MRTFB: variants seen among roughly 807,000 people sequenced by gnomAD.
The protein encoded by MRTFB is myocardin-related transcription factor B.
Under a neutral mutation model 104.2 loss-of-function variants are expected in MRTFB, and 29 were observed. The observed-to-expected ratio is 0.28, with a 90% CI of 0.21 to 0.38. The LOEUF is 0.38. Among genes scored for constraint, MRTFB ranks in the 10% least tolerant of loss-of-function variants. The probability of loss-of-function intolerance (pLI) is 1.00; values close to 1 mark genes in which losing one functional copy is unlikely to be tolerated. For missense variants in MRTFB, 1,270 were observed against 1,341.6 expected, an observed-to-expected ratio of 0.95 and a Z score of 0.83; for synonymous variants, 535 against 519.5, an observed-to-expected ratio of 1.03 and a Z score of -0.41.
At chr16:14,009,917 C>G in the MRTFB span, 10 of 152,330 alleles carry the variant, frequency 6.6e-5, no homozygotes, top group African/African-American at 2.2e-4. Context: ...ACGACTCCCC[C>G]TTCCACCCCT....
the MRTFB span, chr16:14,018,811 TA>T: frequency 6.6e-6 from 1 of 151,862 alleles, no homozygotes; most frequent in African/African-American, 2.4e-5. Context: ...AGAAGCCACA[TA>T]TTTTTTTTTT....
the MRTFB span, among the ~76,000 whole-genome samples, chr16:14,029,330 T>A: frequency 6.8e-6 from 1 of 147,142 alleles, no homozygotes; most frequent in African/African-American, 2.5e-5. Context: ...ATATTGAACC[T>A]GGGAGGCAGA....
intron 3 of MRTFB, among the ~76,000 whole-genome samples, chr16:14,207,570 G>C (rs2041006309): frequency 6.6e-6 from 1 of 152,074 alleles, no homozygotes; most frequent in Admixed American, 6.5e-5. Flanking sequence ...GTTTTTGTAT[G>C]CTACTGAGAT....
At chr16:14,010,583 G>A in the MRTFB span, among the ~76,000 whole-genome samples, 15 of 152,074 alleles carry the variant, frequency 9.9e-5, no homozygotes, top group Admixed American at 2.6e-4. Flanking sequence ...TTACAGGTGC[G>A]TGCCACCATG....
chr16:14,251,219 T>C (rs30145), intron 13 of MRTFB, among the ~76,000 whole-genome samples: 10,825 of 151,660 alleles, frequency 0.071, 624 homozygotes, highest in East Asian at 0.3. Context: ...CTACTAAAAA[T>C]ACAAAAAATT....
At chr16:13,997,191 C>T in the MRTFB span, among the ~76,000 whole-genome samples, 2 of 152,198 alleles carry the variant, frequency 1.3e-5, no homozygotes, top group Non-Finnish European at 2.9e-5. Flanking sequence ...CAGTTTCACG[C>T]AGACATGGGG....
chr16:14,103,757 C>A (rs559898237), intron 2 of MRTFB, among the ~76,000 whole-genome samples: 8 of 151,762 alleles, frequency 5.3e-5, no homozygotes, highest in African/African-American at 1.9e-4. Flanking sequence ...TGCCTTCGTC[C>A]AAGTCAGTCC....
At chr16:14,088,359 G>A (rs1567308000) in intron 2 of MRTFB, among the ~76,000 whole-genome samples, 1 of 152,166 alleles carries the variant, frequency 6.6e-6, no homozygotes, top group Non-Finnish European at 1.5e-5. Flanking sequence ...TGTGAAATCA[G>A]GACTTGGGCA....
At chr16:14,073,069 C>G (rs1263898088) in intron 1 of MRTFB, among the ~76,000 whole-genome samples, 1 of 152,184 alleles carries the variant, frequency 6.6e-6, no homozygotes, top group African/African-American at 2.4e-5. Context: ...AGGAAACGAT[C>G]GCTAATGTTT....
At position 14,224,365 on chromosome 16, in the gene MRTFB, C is replaced by CTTTACAGTGTAAATGGTTTTTTTACTACA. The variant is rs922463159; in HGVS notation, c.693+5390_693+5418dup. 5.9e-5 allele frequency among the ~76,000 whole-genome samples: 9 copies of CTTTACAGTGTAAATGGTTTTTTTACTACA among 152,264 alleles called. No individual in the cohort carries two copies. In the South Asian group the frequency reaches 6.2e-4, roughly 11 times the overall value. On this transcript the variant is annotated intron_variant, in intron 8 of 16. Transcript: ENST00000571589. Reference sequence around the variant, plus strand: ...GCCTACTACACCTACTACAGTGTGCCTTTACAGTGTAAATGGTTTTTTTAC... The same window carrying CTTTACAGTGTAAATGGTTTTTTTACTACA: ...GCCTACTACACCTACTACAGTGTGCCTTTACAGTGTAAATGGTTTTTTTACTACATTTACAGTGTAAATGGTTTTTTTAC...
the MRTFB span, among the ~76,000 whole-genome samples, chr16:14,042,714 G>C: frequency 6.6e-6 from 1 of 152,194 alleles, no homozygotes; most frequent in African/African-American, 2.4e-5. Context: ...GGGAAGAACA[G>C]CTCCTTGCTT....
Position 14,218,849 on chromosome 16 carries a change from C to T in MRTFB, c.544C>T (p.Gln182Ter). The change falls in exon 8 of 17, where the codon CAG becomes TAG. Residue 182 changes from glutamine (Q) to a stop codon, truncating the protein, a stop_gained. Transcript: ENST00000571589. LOFTEE classifies it high-confidence loss of function. ...TGGGAAGGAGGACTATCCCCACACT[C>T]AGGGCGATTTCTCATTTGATGAAGA... ...GVGKEDYPHTQGDFSFDEDSS... is the reference protein window; with the variant it reads ...GVGKEDYPHT The T allele has an allele frequency of 6.2e-7, 1 of 1,612,318 alleles. No homozygotes were observed. The highest frequency in any genetic ancestry group is 8.5e-7 in the Non-Finnish European group (1 of 1,179,018).
chr16:14,243,229 C>T (rs185111847), intron 10 of MRTFB, among the ~76,000 whole-genome samples: 59 of 152,258 alleles, frequency 3.9e-4, no homozygotes, highest in Non-Finnish European at 7.8e-4. Flanking sequence ...AACTTCATCC[C>T]AAAGATTTCA....
intron 2 of MRTFB, among the ~76,000 whole-genome samples, chr16:14,127,413 C>T (rs1010119203): frequency 1.3e-5 from 2 of 151,942 alleles, no homozygotes; most frequent in Admixed American, 1.3e-4. Context: ...ACACCAGAGG[C>T]GGGTGGATCA....
intron 10 of MRTFB, among the ~76,000 whole-genome samples, chr16:14,241,759 C>A (rs2042776033): frequency 1.3e-5 from 2 of 151,954 alleles, no homozygotes; most frequent in Non-Finnish European, 1.5e-5. Context: ...AACATCAGGG[C>A]ATGGAGATGA....
At chr16:14,171,325 C>G (rs1225732107) in intron 3 of MRTFB, among the ~76,000 whole-genome samples, 1 of 151,980 alleles carries the variant, frequency 6.6e-6, no homozygotes, top group East Asian at 1.9e-4. Flanking sequence ...GCCTGTAATC[C>G]CAGCACTTTG....
the MRTFB span, among the ~76,000 whole-genome samples, chr16:14,060,534 T>C: frequency 6.6e-6 from 1 of 152,116 alleles, no homozygotes; most frequent in Non-Finnish European, 1.5e-5. Flanking sequence ...TTCTCCAATC[T>C]ACGTAGCCCT....
At chr16:14,076,773 C>G (rs897700119) in intron 1 of MRTFB, among the ~76,000 whole-genome samples, 5 of 152,192 alleles carry the variant, frequency 3.3e-5, no homozygotes, top group Non-Finnish European at 5.9e-5. Context: ...ATGTATGAGA[C>G]TCCTTATTTC....
At chr16:14,109,324 C>T (rs987372803) in intron 2 of MRTFB, among the ~76,000 whole-genome samples, 6 of 152,014 alleles carry the variant, frequency 3.9e-5, no homozygotes, top group Admixed American at 2.0e-4. Flanking sequence ...GAGAATGTCT[C>T]GAAGCCACTA....
Sources: gnomAD v4.1 joint callset for allele counts (sites outside exome capture counted in the v4.1 genomes callset) on GRCh38, gnomAD v4.1.1 for gene constraint, MANE v1.5 for transcripts, NCBI Gene and HGNC (gene_info 2026-07-23, HGNC 2026-07-21) for gene names.